HEATR5A: variants seen among roughly 807,000 people sequenced by gnomAD.
HEATR5A encodes HEAT repeat-containing protein 5A.
HEATR5A carries 178 observed loss-of-function variants against 218.8 expected under a neutral mutation model. The observed-to-expected ratio is 0.81, with a 90% CI of 0.72 to 0.92. HEATR5A has a LOEUF of 0.92. HEATR5A is among the 40% of genes least tolerant of loss of function. The pLI is 0.00. For synonymous variants in HEATR5A, 864 were observed against 871.6 expected (o/e 0.99, Z 0.15); for missense variants, 2,420 against 2,418.9 (o/e 1.00, Z -0.01).
intron 13 of HEATR5A, among the ~76,000 whole-genome samples, chr14:31,366,589 T>C (rs1424980473): frequency 6.6e-6 from 1 of 152,224 alleles, no homozygotes; most frequent in African/African-American, 2.4e-5. Context: ...GGGCAGATTA[T>C]AGTCCCTGCA....
At chr14:31,407,875 G>A (rs777905115) in intron 1 of HEATR5A, among the ~76,000 whole-genome samples, 3 of 152,188 alleles carry the variant, frequency 2.0e-5, no homozygotes, top group East Asian at 1.9e-4. Flanking sequence ...TAATCCATCC[G>A]CCTTGGCCTC....
In HEATR5A at chr14:31,348,904, A is replaced by G. The variant is rs539887786; in HGVS notation, c.2708+885T>C. Among the ~76,000 whole-genome samples the G allele has an allele frequency of 3.9e-5, 6 of 152,268 alleles. No homozygotes were observed. In the East Asian group the frequency reaches 9.6e-4, roughly 24 times the overall value. On this transcript the variant is annotated intron_variant, in intron 18 of 35. Coordinates refer to ENST00000543095, the MANE Select transcript of HEATR5A (RefSeq NM_015473.4). ...ATCAATACTACCACCACCACTCCTAATATAACTTATTATACATATATAACT... is the reference window on the plus strand; with the variant it reads ...ATCAATACTACCACCACCACTCCTAGTATAACTTATTATACATATATAACT...
intron 22 of HEATR5A, among the ~76,000 whole-genome samples, 176 bp downstream of exon 22, chr14:31,337,300 A>T (rs1900700330): frequency 6.6e-6 from 1 of 152,238 alleles, no homozygotes; most frequent in Admixed American, 6.5e-5. Context: ...AACCAGTTTG[A>T]GAACCACCAC....
chr14:31,308,955 C>T lies in HEATR5A; in HGVS notation c.4669G>A (p.Asp1557Asn), dbSNP rs768144117. ...TGACCTAAAATAAGATGGAATCTAT[C>T]AGTGTAGACATCCTCAGGGGACTTT... Reference protein sequence around the residue: ...TIKSPEDVYTDRFHLILGISV... With the variant: ...TIKSPEDVYTNRFHLILGISV... Residue 1557 changes from aspartate (D) to asparagine (N), a missense_variant, in exon 29 of 36, where the codon GAT (aspartate) becomes AAT (asparagine). Physicochemically the swap from Asp to Asn is conservative, Grantham distance 23. Coordinates refer to ENST00000543095, the MANE Select transcript of HEATR5A (RefSeq NM_015473.4). The T allele has an allele frequency of 3.7e-6, 6 of 1,613,196 alleles. No homozygotes were observed. The Admixed American group carries it at 1.0e-4, about 27-fold the overall frequency.
chr14:31,395,292 TC>T lies in HEATR5A; in HGVS notation c.503del (p.Gly168GlufsTer19), dbSNP rs1168701583. The T allele has an allele frequency of 6.5e-7, 1 of 1,530,694 alleles. No individual in the cohort carries two copies. The highest frequency in any genetic ancestry group is 1.4e-5 in the African/African-American group (1 of 73,064). The allele number at this position is 1,530,694 out of a possible 1,614,324, so 94.8% of individuals were successfully genotyped here. On this transcript the variant is annotated frameshift_variant, in exon 5 of 36. Transcript: ENST00000543095. LOFTEE classifies it high-confidence loss of function. ...LSLQNILNGL[G>X]AAAAPCHRDV... ...CCCTGTGACAAGGTGCAGCGGCAGC[TC>T]CTAGTCCATTCAATATATTTTGCAG...
chr14:31,336,250 A>ATATATATG (rs1900663568), intron 22 of HEATR5A, among the ~76,000 whole-genome samples: 1 of 89,770 alleles, frequency 1.1e-5, no homozygotes, highest in Non-Finnish European at 2.3e-5. Flanking sequence ...ATATATATAT[A>ATATATATG]TATATATATA....
chr14:31,300,495 C>A (rs1899335126), intron 33 of HEATR5A, among the ~76,000 whole-genome samples: 1 of 152,028 alleles, frequency 6.6e-6, no homozygotes, highest in South Asian at 2.1e-4. Context: ...CAGAGATGCA[C>A]CGAGAGATCC....
At chr14:31,346,327 G>A (rs1901020272) in intron 19 of HEATR5A, among the ~76,000 whole-genome samples, 2 of 152,156 alleles carry the variant, frequency 1.3e-5, no homozygotes, top group Non-Finnish European at 2.9e-5. Context: ...GAAGCAAAAA[G>A]TACTATATAT....
At chr14:31,327,825 T>C (rs1251311346) in intron 22 of HEATR5A, among the ~76,000 whole-genome samples, 1 of 152,220 alleles carries the variant, frequency 6.6e-6, no homozygotes, top group Non-Finnish European at 1.5e-5. Flanking sequence ...AGCCTTGATC[T>C]AGCATCTACT....
At chr14:31,408,046 C>A (rs1352382396) in intron 1 of HEATR5A, among the ~76,000 whole-genome samples, 1 of 152,172 alleles carries the variant, frequency 6.6e-6, no homozygotes, top group Non-Finnish European at 1.5e-5. Context: ...TATTTAAATG[C>A]TTTTAGACTA....
At chr14:31,320,680 C>T in intron 25 of HEATR5A, 1 of 514,284 alleles carries the variant, frequency 1.9e-6, no homozygotes, top group South Asian at 2.0e-5. Flanking sequence ...CACTCAGCTT[C>T]CCCCACCCGG....
intron 31 of HEATR5A, among the ~76,000 whole-genome samples, chr14:31,305,500 C>T (rs1237700784): frequency 1.3e-5 from 2 of 152,100 alleles, no homozygotes; most frequent in African/African-American, 4.8e-5. Context: ...TGACCTCAAG[C>T]TATCCGCCTG....
chr14:31,347,676 G>A, intron 19 of HEATR5A, 72 bp downstream of exon 19: 1 of 1,092,878 alleles, frequency 9.2e-7, no homozygotes, highest in Non-Finnish European at 1.2e-6. Flanking sequence ...AATTATTAAT[G>A]TTCAATATAA....
chr14:31,309,023 G>A lies in HEATR5A; in HGVS notation c.4601C>T (p.Thr1534Ile). The A allele has an allele frequency of 6.2e-7, 1 of 1,613,982 alleles. No individual in the cohort carries two copies. The stretch of plus-strand genomic sequence containing the variant: ...TGAACCCTGACACATGGAAGTTGGT[G>A]TTACAGGCCTGGAGAGATTAGATGC... ...EGASNLSRPVTPTSMCQGSSS... is the reference protein window; with the variant it reads ...EGASNLSRPVIPTSMCQGSSS... Residue 1534 changes from threonine (T) to isoleucine (I), a missense_variant, in exon 29 of 36, where the codon ACA (threonine) becomes ATA (isoleucine). Transcript: ENST00000543095.
chr14:31,416,208 C>G (rs1350986106), intron 1 of HEATR5A, among the ~76,000 whole-genome samples: 7 of 152,064 alleles, frequency 4.6e-5, no homozygotes, highest in Admixed American at 4.6e-4. Context: ...ACCTCCACCT[C>G]TCGAGTTTAA....
chr14:31,318,069 T>C (rs1452929838), intron 26 of HEATR5A, among the ~76,000 whole-genome samples, 155 bp downstream of exon 26: 1 of 152,210 alleles, frequency 6.6e-6, no homozygotes, highest in Non-Finnish European at 1.5e-5. Flanking sequence ...TGGATTATCA[T>C]GCAGTTATCA....
rs530031492 is a variant in HEATR5A, at chr14:31,380,717, T to C, written c.1597-139A>G. The C allele has an allele frequency of 5.6e-5, 35 of 626,736 alleles. No homozygotes were observed. The East Asian group carries it at 9.4e-4, about 17-fold the overall frequency. 38.8% of individuals were successfully genotyped at this position (626,736 alleles called of 1,614,324 possible). On this transcript the variant is annotated intron_variant, in intron 10 of 35. Transcript: ENST00000543095. Reference sequence around the variant, plus strand: ...ATAAAGAACTGTCATTCGTGTAGACTACATAATAGGACTGTCATAAAGGAA... The same window carrying C: ...ATAAAGAACTGTCATTCGTGTAGACCACATAATAGGACTGTCATAAAGGAA...
rs372893569 is a variant in HEATR5A, at chr14:31,306,729, T to C, written c.4966+3A>G. ...CAACTCGGCATTAAAGGTTAACATT[T>C]ACCTTCTGCACTTCGTCTTTTTTCC... On this transcript the variant is annotated splice_donor_region_variant and intron_variant, in intron 31 of 35. Coordinates refer to ENST00000543095, the MANE Select transcript of HEATR5A (RefSeq NM_015473.4). 98 of 1,606,344 alleles carry C rather than the reference T, an allele frequency of 6.1e-5. No individual in the cohort carries two copies. The African/African-American group carries it at 1.3e-3, about 21-fold the overall frequency.
chr14:31,375,687 C>T (rs188491354), intron 11 of HEATR5A, among the ~76,000 whole-genome samples: 116 of 152,220 alleles, frequency 7.6e-4, no homozygotes, highest in African/African-American at 2.7e-3. Flanking sequence ...CAGATGTGAG[C>T]CATCTGTATT....
Sources: allele counts gnomAD v4.1 joint callset (sites outside exome capture counted in the v4.1 genomes callset), GRCh38; gene constraint gnomAD v4.1.1; transcripts MANE v1.5; gene names NCBI Gene and HGNC (gene_info 2026-07-23, HGNC 2026-07-21).